Variants in AMH observed in about 807,000 individuals in gnomAD.
AMH encodes the protein anti-Mullerian hormone, also known as anti-Muellerian hormone.
In AMH, 39 loss-of-function variants were observed where a neutral mutation model predicts 33.3. The ratio of observed to expected loss-of-function variants is 1.17; its 90% CI spans 0.91 to 1.53. The LOEUF is 1.53. AMH is among the 40% of genes most tolerant of loss of function. The probability of loss-of-function intolerance (pLI) is 0.00; values close to 1 mark genes in which losing one functional copy is unlikely to be tolerated. For synonymous variants in AMH, 536 were observed against 403.0 expected (o/e 1.33, Z -3.95); for missense variants, 1,019 against 799.8 (o/e 1.27, Z -3.30).
chr19:2,249,527 C>G lies in AMH; in HGVS notation c.195C>G (p.Gly65=). 6.2e-7 allele frequency: 1 copy of G among 1,601,570 alleles called. No individual in the cohort carries two copies. Among genetic ancestry groups the G allele is most frequent in the South Asian group, 1.1e-5 (1 of 89,680 alleles). The change falls in exon 1 of 5, where the codon GGC becomes GGG. Residue 65 remains glycine, a synonymous_variant. Transcript: ENST00000221496. ...CLVALGGDSN[G]SSSPLRVVGA... ...TGGCACTGGGCGGGGACAGCAATGG[C>G]AGCAGCTCCCCCCTGCGGGTGGTGG...
Position 2,250,843 on chromosome 19 carries a change from C to T in AMH, c.665-6C>T. 1 of 1,560,974 alleles carries T rather than the reference C, an allele frequency of 6.4e-7. No homozygotes were observed. ...CCTGAGCCAGCCGCGTGCCCACCCA[C>T]CGCAGACTCCCGGCTGAGTACCGCC... On this transcript the variant is annotated splice_polypyrimidine_tract_variant and splice_region_variant and intron_variant, in intron 3 of 4. Transcript: ENST00000221496.
In AMH at chr19:2,251,395, C is replaced by T; in HGVS notation, c.1121C>T (p.Ala374Val). The change falls in exon 5 of 5, where the codon GCC becomes GTC. Residue 374 changes from alanine (A) to valine (V), a missense_variant. Ala to Val is a moderately conservative substitution (Grantham distance 64, BLOSUM62 0). Transcript: ENST00000221496. ...CCCACGTCGGCGCCGTGGGCCACGGCCCTGGCGCGCCGCGTGGCTGCTGAA... is the reference window on the plus strand; with the variant it reads ...CCCACGTCGGCGCCGTGGGCCACGGTCCTGGCGCGCCGCGTGGCTGCTGAA... ...HDPTSAPWATALARRVAAELQ... is the reference protein window; with the variant it reads ...HDPTSAPWATVLARRVAAELQ... 2.8e-6 allele frequency: 4 copies of T among 1,453,852 alleles called. No individual in the cohort carries two copies. The highest frequency in any genetic ancestry group is 2.7e-6 in the Non-Finnish European group (3 of 1,109,910). The allele number at this position is 1,453,852 out of a possible 1,614,324, so 90.1% of individuals were successfully genotyped here. A position where few individuals can be genotyped will look rare whatever the true frequency, so the allele number is the denominator to read the frequency against.
In AMH at chr19:2,249,411, G is replaced by A. The variant is rs1199745234; in HGVS notation, c.79G>A (p.Ala27Thr). ...TCTGCTGGGGACTGAGGCCCTCAGA[G>A]CAGAGGAGCCAGCTGTGGGCACCAG... is the stretch of plus-strand genomic sequence containing the variant. Reference protein sequence around the residue: ...GALLGTEALRAEEPAVGTSGL... With the variant: ...GALLGTEALRTEEPAVGTSGL... The change falls in exon 1 of 5, where the codon GCA (alanine) becomes ACA (threonine). Residue 27 changes from alanine to threonine, a missense_variant. Coordinates refer to ENST00000221496, the MANE Select transcript of AMH (RefSeq NM_000479.5). 1 of 1,596,096 alleles carries A rather than the reference G, an allele frequency of 6.3e-7. No homozygotes were observed. The highest frequency in any genetic ancestry group is 2.3e-5 in the East Asian group (1 of 43,902).
Position 2,250,748 on chromosome 19 carries a change from C to A in AMH, c.652C>A (p.Pro218Thr), listed in dbSNP as rs780262220. The part of the protein sequence containing the change: ...RGSGLALTLQ[P>T]RGEDSRLSTA... Reference sequence around the variant, plus strand: ...CTCCGGGCTGGCCTTGACCCTGCAGCCCCGCGGAGAGGGTAGGTCCGCGTG... The same window carrying A: ...CTCCGGGCTGGCCTTGACCCTGCAGACCCGCGGAGAGGGTAGGTCCGCGTG... The change falls in exon 3 of 5, where the codon CCC (proline) becomes ACC (threonine). Residue 218 changes from proline to threonine, a missense_variant. Pro to Thr is a conservative substitution (Grantham distance 38). Transcript: ENST00000221496. The A allele has an allele frequency of 9.8e-6, 15 of 1,535,910 alleles. No individual in the cohort carries two copies. In the East Asian group the frequency reaches 3.2e-4, roughly 32 times the overall value.
At chr19:2,249,946 T>A (rs2025000290) in intron 1 of AMH, 1 of 680,860 alleles carries the variant, frequency 1.5e-6, no homozygotes, top group Non-Finnish European at 2.4e-6. Flanking sequence ...CTCTTAGACT[T>A]GCCCCTGCCT....
chr19:2,251,486 G>T lies in AMH; in HGVS notation c.1212G>T (p.Leu404=). Residue 404 remains leucine, a synonymous_variant, in exon 5 of 5, where the codon CTG becomes CTT. Coordinates refer to ENST00000221496, the MANE Select transcript of AMH (RefSeq NM_000479.5). The stretch of plus-strand genomic sequence containing the variant: ...TGCCTCCGGCCACAGCCCCGCTGCT[G>T]GCGCGCCTGCTCGCGCTCTGCCCAG... The part of the protein sequence containing the change: ...PGLPPATAPL[L]ARLLALCPGG... The T allele has an allele frequency of 7.2e-7, 1 of 1,380,118 alleles. No individual in the cohort carries two copies. The highest frequency in any genetic ancestry group is 1.6e-5 in the South Asian group (1 of 61,634). 85.5% of individuals were successfully genotyped at this position (1,380,118 alleles called of 1,614,324 possible).
Position 2,249,621 on chromosome 19 carries a change from C to A in AMH, c.289C>A (p.Leu97Met). ...VQRARWGPRD[L>M]ATFGVCNTGD... ...GAGGGCCCGCTGGGGCCCCCGAGAC[C>A]TGGCCACCTTCGGGGTCTGCAACAC... is the stretch of plus-strand genomic sequence containing the variant. Residue 97 changes from leucine to methionine, a missense_variant, in exon 1 of 5, where the codon CTG becomes ATG. Physicochemically the swap from Leu to Met is conservative, Grantham distance 15 (BLOSUM62 2). Coordinates refer to ENST00000221496, the MANE Select transcript of AMH (RefSeq NM_000479.5). 6.5e-7 allele frequency: 1 copy of A among 1,540,774 alleles called. No homozygotes were observed. Among genetic ancestry groups the A allele is most frequent in the Admixed American group, 2.0e-5 (1 of 50,152 alleles).
rs1185388602 is a variant in AMH, at chr19:2,251,222, T to C, written c.948T>C (p.Asp316=). 15 of 1,502,604 alleles carry C rather than the reference T, an allele frequency of 1.0e-5. 1 individual carries two copies. Among genetic ancestry groups the C allele is most frequent in the Non-Finnish European group, 1.1e-5 (13 of 1,133,316 alleles). The allele number at this position is 1,502,604 out of a possible 1,614,324, so 93.1% of individuals were successfully genotyped here. Residue 316 remains aspartate (D), a synonymous_variant, in exon 5 of 5, where the codon GAT becomes GAC. Coordinates refer to ENST00000221496, the MANE Select transcript of AMH (RefSeq NM_000479.5). ...CCTCCGCGCCGCGCCTGGCCCTGGA[T>C]CCGGACGCGCTGGCCGGCTTCCCGC... The part of the protein sequence containing the change: ...ARASAPRLAL[D]PDALAGFPQG...
rs1308393520 is a variant in AMH, at chr19:2,250,635, A to G, written c.556-17A>G. 4 of 1,538,438 alleles carry G rather than the reference A, an allele frequency of 2.6e-6. No individual in the cohort carries two copies. Among genetic ancestry groups the G allele is most frequent in the Non-Finnish European group, 3.5e-6 (4 of 1,146,658 alleles). The stretch of plus-strand genomic sequence containing the variant: ...GGTAAGCCTCCATCCAGCCGGGCTG[A>G]GCCCTGGTCTCCGCAGAGCCTCTGC... On this transcript the variant is annotated splice_polypyrimidine_tract_variant and intron_variant, in intron 2 of 4. Coordinates refer to ENST00000221496, the MANE Select transcript of AMH (RefSeq NM_000479.5).
At chr19:2,250,075 T>C in intron 1 of AMH, 1 of 636,664 alleles carries the variant, frequency 1.6e-6, no homozygotes, top group East Asian at 2.8e-5. Flanking sequence ...TGGCCTAAGA[T>C]ACTCCCTGCG....
chr19:2,250,744 G>GC lies in AMH; in HGVS notation c.649dup (p.Gln217ProfsTer166), dbSNP rs1372507220. ...GCGGCTCCGGGCTGGCCTTGACCCTGCAGCCCCGCGGAGAGGGTAGGTCCG... is the reference window on the plus strand; with the variant it reads ...GCGGCTCCGGGCTGGCCTTGACCCTGCCAGCCCCGCGGAGAGGGTAGGTCCG... On this transcript the variant is annotated frameshift_variant, in exon 3 of 5. Coordinates refer to ENST00000221496, the MANE Select transcript of AMH (RefSeq NM_000479.5). LOFTEE classifies it high-confidence loss of function. 2.0e-6 allele frequency: 3 copies of GC among 1,536,036 alleles called. No homozygotes were observed. The African/African-American group carries it at 4.1e-5, about 21-fold the overall frequency.
At position 2,249,346 on chromosome 19, in the gene AMH, C is replaced by G. The variant is rs764523289; in HGVS notation, c.14C>G (p.Pro5Arg). 2.5e-6 allele frequency: 4 copies of G among 1,574,092 alleles called. No individual in the cohort carries two copies. Among genetic ancestry groups the G allele is most frequent in the Non-Finnish European group, 3.4e-6 (4 of 1,161,636 alleles). The change falls in exon 1 of 5, where the codon CCT becomes CGT. Residue 5 changes from proline to arginine, a missense_variant. Transcript: ENST00000221496. MRDL[P>R]LTSLALVLSA... is the part of the protein sequence containing the mutation. ...GCAGCACCCACGATGCGGGACCTGCCTCTCACCAGCCTGGCCCTAGTGCTG... is the reference window on the plus strand; with the variant it reads ...GCAGCACCCACGATGCGGGACCTGCGTCTCACCAGCCTGGCCCTAGTGCTG...
chr19:2,251,797 T>C lies in AMH; in HGVS notation c.1523T>C (p.Val508Ala), dbSNP rs754249770. 2.5e-6 allele frequency: 4 copies of C among 1,609,148 alleles called. No homozygotes were observed. Among genetic ancestry groups the C allele is most frequent in the Non-Finnish European group, 2.5e-6 (3 of 1,179,436 alleles). ...AACCCGCGCTACGGCAACCACGTGG[T>C]GCTGCTGCTGAAGATGCAGGTCCGT... ...DRNPRYGNHV[V>A]LLLKMQVRGA... Residue 508 changes from valine to alanine, a missense_variant, in exon 5 of 5, where the codon GTG becomes GCG. Val to Ala is a moderately conservative substitution (Grantham distance 64). Coordinates refer to ENST00000221496, the MANE Select transcript of AMH (RefSeq NM_000479.5).
Position 2,250,707 on chromosome 19 carries a change from C to CG in AMH, c.616dup (p.Ala206GlyfsTer177), listed in dbSNP as rs2145028723. The CG allele has an allele frequency of 1.3e-6, 2 of 1,539,096 alleles. No homozygotes were observed. Among genetic ancestry groups the CG allele is most frequent in the African/African-American group, 1.4e-5 (1 of 73,282 alleles). On this transcript the variant is annotated frameshift_variant, in exon 3 of 5. Coordinates refer to ENST00000221496, the MANE Select transcript of AMH (RefSeq NM_000479.5). LOFTEE classifies it high-confidence loss of function. ...CTGGTGTTAGCGGTGGACCGCCCTG[C>CG]GGGGGCCTGGCGCGGCTCCGGGCTG... is the stretch of plus-strand genomic sequence containing the variant.
In AMH at chr19:2,250,871, G is replaced by A. The variant is rs373307072; in HGVS notation, c.687G>A (p.Arg229=). 1.7e-5 allele frequency: 26 copies of A among 1,573,938 alleles called. No homozygotes were observed. Among genetic ancestry groups the A allele is most frequent in the Non-Finnish European group, 2.1e-5 (25 of 1,168,764 alleles). ...RGEDSRLSTA[R]LQALLFGDDH... ...CAGACTCCCGGCTGAGTACCGCCCG[G>A]CTGCAGGCACTGCTGTTCGGCGACG... The change falls in exon 4 of 5, where the codon CGG becomes CGA. Residue 229 remains arginine (R), a synonymous_variant. Transcript: ENST00000221496.
chr19:2,251,189 G>C lies in AMH; in HGVS notation c.915G>C (p.Pro305=), dbSNP rs1355044458. 6.6e-6 allele frequency: 10 copies of C among 1,507,814 alleles called. No homozygotes were observed. In the East Asian group the frequency reaches 1.6e-4, roughly 24 times the overall value. The allele number at this position is 1,507,814 out of a possible 1,614,324, so 93.4% of individuals were successfully genotyped here. A position where few individuals can be genotyped will look rare whatever the true frequency, so the allele number is the denominator to read the frequency against. ...TGGTGCGGGCGCTGCGGGTCCCCCC[G>C]GCCCGGGCCTCCGCGCCGCGCCTGG... The part of the protein sequence containing the change: ...TRLVRALRVP[P]ARASAPRLAL... The change falls in exon 5 of 5, where the codon CCG becomes CCC. Residue 305 remains proline (P), a synonymous_variant. Transcript: ENST00000221496.
rs1349370436 is a variant in AMH, at chr19:2,251,003, G to A, written c.819G>A (p.Pro273=). Residue 273 remains proline, a synonymous_variant, in exon 4 of 5, where the codon CCG becomes CCA. Transcript: ENST00000221496. ...AGCTGGACACCGTGCCCTTCCCGCC[G>A]CCCAGGTGCGCGCAGGCACCGGGAC... The part of the protein sequence containing the change: ...HGQLDTVPFP[P]PRPSAELEES... 6.6e-7 allele frequency: 1 copy of A among 1,514,362 alleles called. No homozygotes were observed. Among genetic ancestry groups the A allele is most frequent in the South Asian group, 1.2e-5 (1 of 81,796 alleles). 93.8% of individuals were successfully genotyped at this position (1,514,362 alleles called of 1,614,324 possible).
Position 2,250,677 on chromosome 19 carries a change from G to A in AMH, c.581G>A (p.Arg194His), listed in dbSNP as rs376035065. 21 of 1,539,710 alleles carry A rather than the reference G, an allele frequency of 1.4e-5. No individual in the cohort carries two copies. Among genetic ancestry groups the A allele is most frequent in the Admixed American group, 2.0e-5 (1 of 51,256 alleles). The change falls in exon 3 of 5, where the codon CGC becomes CAC. Residue 194 changes from arginine (R) to histidine (H), a missense_variant. Coordinates refer to ENST00000221496, the MANE Select transcript of AMH (RefSeq NM_000479.5). ...AGCCTCTGCCCCTCCCGAGACACCC[G>A]CTACCTGGTGTTAGCGGTGGACCGC... is the stretch of plus-strand genomic sequence containing the variant. Reference protein sequence around the residue: ...AQSLCPSRDTRYLVLAVDRPA... With the variant: ...AQSLCPSRDTHYLVLAVDRPA...
At position 2,250,088 on chromosome 19, in the gene AMH, G is replaced by A. The variant is rs917313297; in HGVS notation, c.413-249G>A. ...GCTGGCCTAAGATACTCCCTGCGGG[G>A]AAGGGGCTTCATCGGGCACCCCAAC... On this transcript the variant is annotated intron_variant, in intron 1 of 4. Transcript: ENST00000221496. 3 of 651,048 alleles carry A rather than the reference G, an allele frequency of 4.6e-6. No homozygotes were observed. The African/African-American group carries it at 5.5e-5, about 12-fold the overall frequency. The allele number at this position is 651,048 out of a possible 1,614,324, so 40.3% of individuals were successfully genotyped here.
Sources: allele counts gnomAD v4.1 joint callset, GRCh38; gene constraint gnomAD v4.1.1; transcripts MANE v1.5; gene names NCBI Gene and HGNC (gene_info 2026-07-23, HGNC 2026-07-21).